The following FMO4 variants were observed in gnomAD, a reference collection of about 807,000 sequenced individuals.
The protein encoded by FMO4 is flavin containing dimethylaniline monoxygenase 4, also known as dimethylaniline monooxygenase [N-oxide-forming] 4.
Under a neutral mutation model 43.3 loss-of-function variants are expected in FMO4, and 38 were observed. That is an observed-to-expected ratio of 0.88 (90% CI 0.68 to 1.15). The LOEUF (loss-of-function observed/expected upper bound fraction) is 1.15. Among genes scored for constraint, FMO4 ranks in the 50% most tolerant of loss-of-function variants. FMO4 has a pLI of 0.00. For synonymous variants in FMO4, 224 were observed against 232.2 expected (o/e 0.96, Z 0.32); for missense variants, 631 against 663.3 (o/e 0.95, Z 0.54).
At chr1:171,335,337 C>T (rs371821031) in intron 8 of FMO4, among the ~76,000 whole-genome samples, 2 of 152,058 alleles carry the variant, frequency 1.3e-5, no homozygotes, top group African/African-American at 2.4e-5. Context: ...TAATAAATCC[C>T]GTATGACAAG....
intron 8 of FMO4, 98 bp downstream of exon 8, chr1:171,334,861 A>G (rs1663056792): frequency 1.6e-6 from 1 of 636,084 alleles, no homozygotes. Flanking sequence ...GTAACAAAAT[A>G]TTTTTAACAT....
Position 171,314,243 on chromosome 1 carries a change from G to C in FMO4, c.-321G>C, listed in dbSNP as rs1386650524. 6.6e-6 allele frequency: 1 copy of C among 151,880 alleles called. No homozygotes were observed. Among genetic ancestry groups the C allele is most frequent in the Admixed American group, 6.6e-5 (1 of 15,244 alleles). The allele number at this position is 151,880 out of a possible 1,614,324, so 9.4% of individuals were successfully genotyped here. On this transcript the variant is annotated 5_prime_UTR_variant, in exon 1 of 10. Coordinates refer to ENST00000367749, the MANE Select transcript of FMO4 (RefSeq NM_002022.3). ...CTGTCACTAGCATAACAGAAAAGAC[G>C]AATGGCTTTTGTTTTAAACTGAGGG...
At chr1:171,323,966 T>G (rs1196416583) in intron 4 of FMO4, among the ~76,000 whole-genome samples, 172 bp from the exon 5 acceptor site, 2 of 152,202 alleles carry the variant, frequency 1.3e-5, no homozygotes, top group Non-Finnish European at 2.9e-5. Context: ...TTGCCACCTT[T>G]GTGAGTTTGC....
chr1:171,315,825 C>T (rs558284342), intron 1 of FMO4, among the ~76,000 whole-genome samples: 12 of 152,256 alleles, frequency 7.9e-5, no homozygotes, highest in African/African-American at 2.6e-4. Context: ...CCCCACAGGC[C>T]ACTCTGTGTC....
rs755220309 is a variant in FMO4, at chr1:171,341,512, G to A, written c.1350G>A (p.Leu450=). 12 of 1,613,896 alleles carry A rather than the reference G, an allele frequency of 7.4e-6. No individual in the cohort carries two copies. Among genetic ancestry groups the A allele is most frequent in the East Asian group, 2.2e-5 (1 of 44,882 alleles). Residue 450 remains leucine, a synonymous_variant, in exon 10 of 10, where the codon CTG becomes CTA. Coordinates refer to ENST00000367749, the MANE Select transcript of FMO4 (RefSeq NM_002022.3). ...GCACAAAGCCCAGCATCCCACTTCT[G>A]TTCCTCAAGGATCCCAGACTAGCTT... The part of the protein sequence containing the change: ...CIGTKPSIPL[L]FLKDPRLAWE...
chr1:171,319,166 G>C (rs532951461), intron 2 of FMO4, among the ~76,000 whole-genome samples: 1 of 152,188 alleles, frequency 6.6e-6, no homozygotes, highest in Non-Finnish European at 1.5e-5. Context: ...GTATTTTATT[G>C]AGTGGTGGAG....
chr1:171,332,845 T>C lies in FMO4; in HGVS notation c.764T>C (p.Ile255Thr). The C allele has an allele frequency of 6.2e-7, 1 of 1,609,092 alleles. No homozygotes were observed. Among genetic ancestry groups the C allele is most frequent in the South Asian group, 1.1e-5 (1 of 90,998 alleles). The change falls in exon 7 of 10, where the codon ATT becomes ACT. Residue 255 changes from isoleucine to threonine, a missense_variant. Physicochemically the swap from Ile to Thr is moderately conservative, Grantham distance 89. Coordinates refer to ENST00000367749, the MANE Select transcript of FMO4 (RefSeq NM_002022.3). Reference sequence around the variant, plus strand: ...CTGCCTTCACGTTTTCTAAACTGGATTCAAGAAAGGAAGTTGAATAAGAGA... The same window carrying C: ...CTGCCTTCACGTTTTCTAAACTGGACTCAAGAAAGGAAGTTGAATAAGAGA... ...QVLPSRFLNW[I>T]QERKLNKRFN...
Position 171,331,744 on chromosome 1 carries a change from G to A in FMO4, c.589G>A (p.Gly197Arg). 5 of 1,613,912 alleles carry A rather than the reference G, an allele frequency of 3.1e-6. No individual in the cohort carries two copies. Among genetic ancestry groups the A allele is most frequent in the Non-Finnish European group, 4.2e-6 (5 of 1,179,882 alleles). The change falls in exon 6 of 10, where the codon GGA (glycine) becomes AGA (arginine). Residue 197 changes from glycine to arginine, a missense_variant. Gly to Arg is a moderately radical substitution (Grantham distance 125). Transcript: ENST00000367749. ...VLVIGLGNTG[G>R]DIAVELSRTA... Reference sequence around the variant, plus strand: ...GGTGATTGGTCTTGGGAACACTGGAGGAGACATTGCTGTGGAACTCAGTCG... The same window carrying A: ...GGTGATTGGTCTTGGGAACACTGGAAGAGACATTGCTGTGGAACTCAGTCG...
rs1288243199 is a variant in FMO4 at position 171,322,990 on chromosome 1, T to A, written c.133-14T>A. Reference sequence around the variant, plus strand: ...CTCCATTATCCCAACAAGCTAACTATGCCTTCACCACAGGAATCTTCCAAA... The same window carrying A: ...CTCCATTATCCCAACAAGCTAACTAAGCCTTCACCACAGGAATCTTCCAAA... On this transcript the variant is annotated splice_polypyrimidine_tract_variant and intron_variant, in intron 3 of 9. Coordinates refer to ENST00000367749, the MANE Select transcript of FMO4 (RefSeq NM_002022.3). 2 of 1,604,662 alleles carry A rather than the reference T, an allele frequency of 1.2e-6. No homozygotes were observed. The highest frequency in any genetic ancestry group is 8.5e-7 in the Non-Finnish European group (1 of 1,172,518).
At chr1:171,331,934 GC>G (rs746431137) in intron 6 of FMO4, 152 bp downstream of exon 6, 32 of 723,248 alleles carry the variant, frequency 4.4e-5, no homozygotes, top group Non-Finnish European at 7.3e-5. Context: ...AATCTTTAAA[GC>G]CACTCACGGT....
chr1:171,331,930 T>C (rs112458859), intron 6 of FMO4, 148 bp downstream of exon 6: 3 of 743,160 alleles, frequency 4.0e-6, no homozygotes, highest in African/African-American at 1.8e-5. Context: ...TGAAAATCTT[T>C]AAAGCCACTC....
chr1:171,320,477 A>G (rs1467404241), intron 3 of FMO4, among the ~76,000 whole-genome samples: 1 of 152,188 alleles, frequency 6.6e-6, no homozygotes, highest in Non-Finnish European at 1.5e-5. Flanking sequence ...TCAGAATACA[A>G]AGAACTCAGG....
rs778691681 is a variant in FMO4 at position 171,334,758 on chromosome 1, T to G, written c.1175T>G (p.Phe392Cys). Residue 392 changes from phenylalanine to cysteine, a missense_variant, in exon 8 of 10, where the codon TTC becomes TGC. Phe to Cys is a radical substitution (Grantham distance 205). Coordinates refer to ENST00000367749, the MANE Select transcript of FMO4 (RefSeq NM_002022.3). ...ELQARWVTRV[F>C]KGLCKIPPSQ... ...CAAGCACGATGGGTCACAAGAGTATTCAAAGGTACCATGACTCTACTGAAA... is the reference window on the plus strand; with the variant it reads ...CAAGCACGATGGGTCACAAGAGTATGCAAAGGTACCATGACTCTACTGAAA... 5 of 1,543,970 alleles carry G rather than the reference T, an allele frequency of 3.2e-6. No individual in the cohort carries two copies. Among genetic ancestry groups the G allele is most frequent in the Non-Finnish European group, 3.5e-6 (4 of 1,147,152 alleles).
rs1257072822 is a variant in FMO4, at chr1:171,319,882, A to G, written c.57A>G (p.Lys19=). 6.2e-7 allele frequency: 1 copy of G among 1,613,798 alleles called. No individual in the cohort carries two copies. The highest frequency in any genetic ancestry group is 8.5e-7 in the Non-Finnish European group (1 of 1,179,750). Residue 19 remains lysine, a synonymous_variant, in exon 3 of 10, where the codon AAA becomes AAG. Coordinates refer to ENST00000367749, the MANE Select transcript of FMO4 (RefSeq NM_002022.3). Reference sequence around the variant, plus strand: ...GTGTGAGTGGCCTCTCCTCCATCAAATGCTGTGTGGATGAGGACCTGGAGC... The same window carrying G: ...GTGTGAGTGGCCTCTCCTCCATCAAGTGCTGTGTGGATGAGGACCTGGAGC... ...GAGVSGLSSI[K]CCVDEDLEPT...
At position 171,331,758 on chromosome 1, in the gene FMO4, G is replaced by A; in HGVS notation, c.603G>A (p.Val201=). 6.2e-7 allele frequency: 1 copy of A among 1,613,856 alleles called. No individual in the cohort carries two copies. The highest frequency in any genetic ancestry group is 8.5e-7 in the Non-Finnish European group (1 of 1,179,846). ...GLGNTGGDIA[V]ELSRTAAQVL... is the part of the protein sequence containing the mutation. ...GGAACACTGGAGGAGACATTGCTGTGGAACTCAGTCGAACGGCAGCTCAGG... is the reference window on the plus strand; with the variant it reads ...GGAACACTGGAGGAGACATTGCTGTAGAACTCAGTCGAACGGCAGCTCAGG... Residue 201 remains valine (V), a synonymous_variant, in exon 6 of 10, where the codon GTG becomes GTA. Coordinates refer to ENST00000367749, the MANE Select transcript of FMO4 (RefSeq NM_002022.3).
chr1:171,324,232 T>C lies in FMO4; in HGVS notation c.416T>C (p.Val139Ala). The C allele has an allele frequency of 1.2e-6, 2 of 1,613,774 alleles. No homozygotes were observed. Among genetic ancestry groups the C allele is most frequent in the Non-Finnish European group, 1.7e-6 (2 of 1,179,790 alleles). ...ACAGAGGGCAAGCAAAATAGAGCTGTCTTTGATGCTGTTATGGTTTGCACT... is the reference window on the plus strand; with the variant it reads ...ACAGAGGGCAAGCAAAATAGAGCTGCCTTTGATGCTGTTATGGTTTGCACT... ...TETEGKQNRAVFDAVMVCTGH... is the reference protein window; with the variant it reads ...TETEGKQNRAAFDAVMVCTGH... The change falls in exon 5 of 10, where the codon GTC becomes GCC. Residue 139 changes from valine to alanine, a missense_variant. Physicochemically the swap from Val to Ala is moderately conservative, Grantham distance 64 (BLOSUM62 0). Transcript: ENST00000367749.
At position 171,324,220 on chromosome 1, in the gene FMO4, A is replaced by G. The variant is rs146361391; in HGVS notation, c.404A>G (p.Gln135Arg). Residue 135 changes from glutamine (Q) to arginine (R), a missense_variant, in exon 5 of 10, where the codon CAA becomes CGA. Coordinates refer to ENST00000367749, the MANE Select transcript of FMO4 (RefSeq NM_002022.3). ...GTTGTCACAGAGACAGAGGGCAAGC[A>G]AAATAGAGCTGTCTTTGATGCTGTT... ...WDVVTETEGK[Q>R]NRAVFDAVMV... The G allele has an allele frequency of 1.9e-5, 30 of 1,613,722 alleles. No homozygotes were observed. The African/African-American group carries it at 3.9e-4, about 21-fold the overall frequency.
intron 5 of FMO4, among the ~76,000 whole-genome samples, chr1:171,324,900 A>G (rs45571236): frequency 0.044 from 6,675 of 152,166 alleles, 469 homozygotes; most frequent in African/African-American, 0.15. Context: ...GGGAGGCCAG[A>G]AGTAGGAGAC....
chr1:171,319,947 G>A lies in FMO4; in HGVS notation c.122G>A (p.Trp41Ter). ...AGAAGTGATGACATTGGGGGATTATGGAAGTTTACTGTACGTGGTTCATCT... is the reference window on the plus strand; with the variant it reads ...AGAAGTGATGACATTGGGGGATTATAGAAGTTTACTGTACGTGGTTCATCT... ...FERSDDIGGL[W>*]KFTESSKDGM... Residue 41 changes from tryptophan (W) to a stop codon, truncating the protein, a stop_gained, in exon 3 of 10, where the codon TGG (tryptophan) becomes TAG (stop). Transcript: ENST00000367749. LOFTEE classifies it high-confidence loss of function. The A allele has an allele frequency of 6.2e-7, 1 of 1,613,812 alleles. No homozygotes were observed. The highest frequency in any genetic ancestry group is 1.1e-5 in the South Asian group (1 of 91,074).
Sources: gnomAD v4.1 joint callset for allele counts (sites outside exome capture counted in the v4.1 genomes callset) on GRCh38, gnomAD v4.1.1 for gene constraint, MANE v1.5 for transcripts, NCBI Gene and HGNC (gene_info 2026-07-23, HGNC 2026-07-21) for gene names.